LRRC4C: variants seen among roughly 807,000 people sequenced by gnomAD.
LRRC4C encodes leucine-rich repeat-containing protein 4C.
LRRC4C carries 5 observed loss-of-function variants against 33.6 expected under a neutral mutation model. That is an observed-to-expected ratio of 0.15 (90% CI 0.08 to 0.31). The LOEUF is 0.31. Ranked by LOEUF, LRRC4C falls within the 10% of genes least tolerant of loss-of-function variation. The pLI is 1.00. For synonymous variants in LRRC4C, 329 were observed against 302.0 expected (o/e 1.09, Z -0.93); for missense variants, 560 against 796.7 (o/e 0.70, Z 3.58).
At chr11:40,239,354 G>T (rs1022015540) in intron 5 of LRRC4C, among the ~76,000 whole-genome samples, 7 of 152,162 alleles carry the variant, frequency 4.6e-5, no homozygotes, top group African/African-American at 1.4e-4. Context: ...CCCTCAGAGT[G>T]CCTCGTCCAC....
intron 1 of LRRC4C, among the ~76,000 whole-genome samples, chr11:40,979,923 T>C (rs1409955648): frequency 1.3e-5 from 2 of 152,150 alleles, no homozygotes; most frequent in Non-Finnish European, 2.9e-5. Context: ...TGTGGAGAAA[T>C]ATAACAAGAA....
intron 3 of LRRC4C, among the ~76,000 whole-genome samples, chr11:40,409,427 G>C (rs1182421914): frequency 6.6e-6 from 1 of 151,830 alleles, no homozygotes; most frequent in East Asian, 1.9e-4. Flanking sequence ...CACAGCCAAG[G>C]AAACACTCAG....
intron 1 of LRRC4C, among the ~76,000 whole-genome samples, chr11:41,173,475 C>T (rs752540526): frequency 1.3e-5 from 2 of 152,148 alleles, no homozygotes; most frequent in African/African-American, 2.4e-5. Context: ...TGACTCTTTG[C>T]AATCCTCAAA....
intron 1 of LRRC4C, among the ~76,000 whole-genome samples, chr11:41,325,623 T>C (rs1951093906): frequency 6.8e-6 from 1 of 147,754 alleles, no homozygotes; most frequent in African/African-American, 2.6e-5. Flanking sequence ...GTTAAAGACA[T>C]ATTTCGTTAC....
intron 3 of LRRC4C, among the ~76,000 whole-genome samples, chr11:40,498,593 A>G (rs1039857820): frequency 1.3e-5 from 2 of 152,172 alleles, no homozygotes; most frequent in Non-Finnish European, 2.9e-5. Flanking sequence ...AAATTAGTAT[A>G]TTTGGCTCTT....
intron 2 of LRRC4C, among the ~76,000 whole-genome samples, chr11:40,826,402 C>T (rs555397891): frequency 2.8e-4 from 42 of 152,032 alleles, no homozygotes; most frequent in Non-Finnish European, 4.7e-4. Context: ...TGATGAGCTG[C>T]AGCTACTTTT....
intron 3 of LRRC4C, among the ~76,000 whole-genome samples, chr11:40,453,696 TC>T (rs1952004792): frequency 2.0e-5 from 3 of 150,150 alleles, no homozygotes; most frequent in Admixed American, 2.0e-4. Context: ...GCAAACCAAA[TC>T]CAGGAATATA....
At chr11:40,311,090 AT>A (rs1251156135) in intron 4 of LRRC4C, among the ~76,000 whole-genome samples, 2 of 151,952 alleles carry the variant, frequency 1.3e-5, no homozygotes, top group African/African-American at 4.8e-5. Context: ...TTATCCTGTC[AT>A]TTTTTTTCCA....
At chr11:40,630,330 C>CTTCTTCT (rs1963347629) in intron 3 of LRRC4C, among the ~76,000 whole-genome samples, 17 of 135,536 alleles carry the variant, frequency 1.3e-4, no homozygotes, top group African/African-American at 4.2e-4. Flanking sequence ...TTTCTTCTTC[C>CTTCTTCT]TCTTCTTCTT....
At chr11:40,513,799 C>A (rs889805764) in intron 3 of LRRC4C, among the ~76,000 whole-genome samples, 2 of 152,122 alleles carry the variant, frequency 1.3e-5, no homozygotes, top group Non-Finnish European at 2.9e-5. Flanking sequence ...ACTTTCATTT[C>A]TTTTCTAATC....
At chr11:40,768,837 C>A (rs562047505) in intron 2 of LRRC4C, among the ~76,000 whole-genome samples, 306 of 152,076 alleles carry the variant, frequency 2.0e-3, no homozygotes, top group Non-Finnish European at 3.7e-3. Context: ...CATACTTGAA[C>A]ACAATAAAAG....
intron 1 of LRRC4C, among the ~76,000 whole-genome samples, chr11:41,079,745 T>C (rs1329310311): frequency 6.6e-6 from 1 of 152,224 alleles, no homozygotes; most frequent in African/African-American, 2.4e-5. Flanking sequence ...CAACACAAAT[T>C]CATAAACTTT....
At chr11:40,236,704 T>C (rs1865588539) in intron 5 of LRRC4C, among the ~76,000 whole-genome samples, 1 of 152,106 alleles carries the variant, frequency 6.6e-6, no homozygotes. Flanking sequence ...GGCAAAGCCA[T>C]TAACATAGAA....
chr11:41,073,629 T>C (rs898821283), intron 1 of LRRC4C, among the ~76,000 whole-genome samples: 2 of 152,168 alleles, frequency 1.3e-5, no homozygotes, highest in African/African-American at 4.8e-5. Context: ...TTTGCTAAGA[T>C]AGTTTAAGGA....
chr11:41,282,970 T>C (rs1305948321), intron 1 of LRRC4C, among the ~76,000 whole-genome samples: 1 of 152,222 alleles, frequency 6.6e-6, no homozygotes, highest in Non-Finnish European at 1.5e-5. Flanking sequence ...AAAAAAATGT[T>C]TGACATGAAT....
chr11:40,246,255 T>C (rs1483533719), intron 4 of LRRC4C, among the ~76,000 whole-genome samples: 4 of 152,172 alleles, frequency 2.6e-5, no homozygotes. Flanking sequence ...ATTACAGGCA[T>C]AAGCCACCAT....
At chr11:40,174,498 C>T (rs527995804) in intron 5 of LRRC4C, among the ~76,000 whole-genome samples, 1 of 152,300 alleles carries the variant, frequency 6.6e-6, no homozygotes, top group East Asian at 1.9e-4. Flanking sequence ...TGAACATCTA[C>T]CATTGATCAT....
intron 1 of LRRC4C, among the ~76,000 whole-genome samples, chr11:41,131,392 A>G (rs1308092333): frequency 6.6e-6 from 1 of 152,070 alleles, no homozygotes; most frequent in Non-Finnish European, 1.5e-5. Flanking sequence ...TTTTATGTTC[A>G]GTTTCTGGAT....
At chr11:40,243,319 C>T (rs1003897677) in intron 4 of LRRC4C, among the ~76,000 whole-genome samples, 26 of 152,146 alleles carry the variant, frequency 1.7e-4, no homozygotes, top group Admixed American at 3.9e-4. Flanking sequence ...TAAGCTAAGG[C>T]GCTTTAAATG....
Sources: allele counts gnomAD v4.1 joint callset (sites outside exome capture counted in the v4.1 genomes callset), GRCh38; gene constraint gnomAD v4.1.1; transcripts MANE v1.5; gene names NCBI Gene and HGNC (gene_info 2026-07-23, HGNC 2026-07-21).